The following CCDC181 variants were observed in gnomAD, a reference collection of about 807,000 sequenced individuals.
CCDC181 encodes coiled-coil domain containing 181, also known as coiled-coil domain-containing protein 181.
A neutral mutation model predicts 58.7 loss-of-function variants in CCDC181; 35 were observed. That is an observed-to-expected ratio of 0.60 (90% confidence interval 0.46 to 0.79). The LOEUF (loss-of-function observed/expected upper bound fraction) is 0.79, where lower values mean the gene tolerates loss of function less well. Ranked by LOEUF, CCDC181 falls within the 30% of genes least tolerant of loss-of-function variation. The pLI is 0.00. For synonymous variants in CCDC181, 183 were observed against 197.5 expected (o/e 0.93, Z 0.62); for missense variants, 517 against 583.9 (o/e 0.89, Z 1.18).
At chr1:169,432,865 A>T (rs952817287) in intron 2 of CCDC181, among the ~76,000 whole-genome samples, 2 of 152,248 alleles carry the variant, frequency 1.3e-5, no homozygotes, top group South Asian at 4.1e-4. Context: ...GGCATATATG[A>T]AAAACCCGCA....
In CCDC181 at chr1:169,432,936, T is replaced by G. The variant is rs75786393; in HGVS notation, c.-23-7986A>C. On this transcript the variant is annotated intron_variant, in intron 2 of 6. Coordinates refer to the CCDC181 transcript ENST00000545005. Reference sequence around the variant, plus strand: ...TTTTCATCTAAGATCAGGTATAAGATGAGGATGCTGGCTTTCACTACTGCT... The same window carrying G: ...TTTTCATCTAAGATCAGGTATAAGAGGAGGATGCTGGCTTTCACTACTGCT... Among the ~76,000 whole-genome samples, 1,077 of 152,130 alleles carry G rather than the reference T, an allele frequency of 7.1e-3. 39 individuals carry two copies. In the East Asian group the frequency reaches 0.085, roughly 12 times the overall value.
At chr1:169,444,121 G>A (rs964390314) in intron 2 of CCDC181, among the ~76,000 whole-genome samples, 2 of 152,146 alleles carry the variant, frequency 1.3e-5, no homozygotes, top group African/African-American at 4.8e-5. Flanking sequence ...AGTTTCTGAA[G>A]ATACCTTTAT....
At chr1:169,401,545 G>C (rs1203826920) in intron 4 of CCDC181, among the ~76,000 whole-genome samples, 1 of 152,198 alleles carries the variant, frequency 6.6e-6, no homozygotes, top group Non-Finnish European at 1.5e-5. Flanking sequence ...CCAGGGTCTG[G>C]AGTGGACCTC....
rs146526379 is a variant in CCDC181, at chr1:169,443,935, A to G, written c.-24+15862T>C. Reference sequence around the variant, plus strand: ...GTACTGTTAATATCACTTCACAGAAAGACTAAAAGTACATTTTGGTTTATT... The same window carrying G: ...GTACTGTTAATATCACTTCACAGAAGGACTAAAAGTACATTTTGGTTTATT... On this transcript the variant is annotated intron_variant, in intron 2 of 6. Coordinates refer to the CCDC181 transcript ENST00000545005. Among the ~76,000 whole-genome samples the G allele has an allele frequency of 1.5e-3, 233 of 152,288 alleles. 1 individual carries two copies. Among genetic ancestry groups the G allele is most frequent in the Middle Eastern group, 0.01 (3 of 294 alleles).
At chr1:169,403,012 C>G (rs569064631) in intron 4 of CCDC181, among the ~76,000 whole-genome samples, 1 of 102,098 alleles carries the variant, frequency 9.8e-6, no homozygotes, top group Non-Finnish European at 2.1e-5. Flanking sequence ...GGTTGCAATC[C>G]TAGTCTCTGA....
intron 2 of CCDC181, among the ~76,000 whole-genome samples, chr1:169,437,978 A>C (rs915979604): frequency 6.6e-6 from 1 of 152,168 alleles, no homozygotes; most frequent in Non-Finnish European, 1.5e-5. Flanking sequence ...TAAGCTCTTA[A>C]GGATACAAAA....
chr1:169,395,308 C>T lies in CCDC181; in HGVS notation c.1371-102G>A, dbSNP rs968182360. On this transcript the variant is annotated intron_variant, in intron 5 of 5. Coordinates refer to ENST00000367806, the MANE Select transcript of CCDC181 (RefSeq NM_001300969.2). The stretch of plus-strand genomic sequence containing the variant: ...GACAAAATAAATGGACATTTCTTTA[C>T]AATGAAATACTGTCACAGCACAAAT... The T allele has an allele frequency of 1.7e-5, 17 of 1,010,450 alleles. 2 individuals carry two copies. In the Middle Eastern group the frequency reaches 6.8e-4, roughly 40 times the overall value. 62.6% of individuals were successfully genotyped at this position (1,010,450 alleles called of 1,614,324 possible). A position where few individuals can be genotyped will look rare whatever the true frequency, so the allele number is the denominator to read the frequency against.
At chr1:169,406,513 T>C (rs1655664340) in intron 4 of CCDC181, among the ~76,000 whole-genome samples, 1 of 152,178 alleles carries the variant, frequency 6.6e-6, no homozygotes, top group African/African-American at 2.4e-5. Flanking sequence ...TGGATGAAGC[T>C]GGAGACCATC....
Position 169,427,125 on chromosome 1 carries a change from C to T in CCDC181, c.-24+163G>A, listed in dbSNP as rs1656743942. Among the ~76,000 whole-genome samples the T allele has an allele frequency of 3.3e-5, 5 of 152,298 alleles. No individual in the cohort carries two copies. The South Asian group carries it at 1.0e-3, about 32-fold the overall frequency. ...CAGACTTCCCCACCAGTGCCAGACT[C>T]GGTGGACCTCGGACTCCAGAGGATA... On this transcript the variant is annotated intron_variant, in intron 1 of 5. Coordinates refer to ENST00000367806, the MANE Select transcript of CCDC181 (RefSeq NM_001300969.2).
chr1:169,451,866 C>T (rs1332800516), intron 2 of CCDC181, among the ~76,000 whole-genome samples: 1 of 151,862 alleles, frequency 6.6e-6, no homozygotes, highest in Non-Finnish European at 1.5e-5. Context: ...AATGAAAGAA[C>T]GGCAGTTTAC....
At chr1:169,450,667 T>C (rs1657512161) in intron 2 of CCDC181, among the ~76,000 whole-genome samples, 1 of 152,224 alleles carries the variant, frequency 6.6e-6, no homozygotes, top group South Asian at 2.1e-4. Flanking sequence ...ATTGGTTAGA[T>C]TTCTGTGCAT....
intron 4 of CCDC181, among the ~76,000 whole-genome samples, chr1:169,405,818 A>C (rs9659091): frequency 0.53 from 81,262 of 151,948 alleles, 22,588 homozygotes; most frequent in Non-Finnish European, 0.6. Flanking sequence ...TCTAATTAAA[A>C]TAAAGAGCTT....
intron 4 of CCDC181, among the ~76,000 whole-genome samples, chr1:169,407,602 C>A (rs771478641): frequency 6.6e-5 from 10 of 152,228 alleles, no homozygotes; most frequent in Middle Eastern, 3.4e-3. Context: ...TAAAAACTAT[C>A]GATCAATAAT....
At chr1:169,403,527 CG>C (rs1340873198) in intron 4 of CCDC181, among the ~76,000 whole-genome samples, 1 of 152,204 alleles carries the variant, frequency 6.6e-6, no homozygotes, top group African/African-American at 2.4e-5. Flanking sequence ...CGCTCAACTA[CG>C]TGGAAACTGA....
At chr1:169,405,867 A>G (rs1056467849) in intron 4 of CCDC181, among the ~76,000 whole-genome samples, 4 of 152,252 alleles carry the variant, frequency 2.6e-5, no homozygotes, top group Admixed American at 6.5e-5. Context: ...GTGAACAGGC[A>G]ACCTACAGAA....
At position 169,421,763 on chromosome 1, in the gene CCDC181, C is replaced by T. The variant is rs750552909; in HGVS notation, c.668G>A (p.Gly223Glu). The T allele has an allele frequency of 1.4e-5, 22 of 1,614,086 alleles. No homozygotes were observed. The highest frequency in any genetic ancestry group is 1.9e-5 in the Non-Finnish European group (22 of 1,180,004). The change falls in exon 3 of 6, where the codon GGA (glycine) becomes GAA (glutamate). Residue 223 changes from glycine to glutamate, a missense_variant. Gly to Glu is a moderately conservative substitution (Grantham distance 98). Coordinates refer to ENST00000367806, the MANE Select transcript of CCDC181 (RefSeq NM_001300969.2). ...TTGTAAATTCAGAAGTTCAAATTTT[C>T]CATCTCTCTCTACCAGTATTGTCCT... is the stretch of plus-strand genomic sequence containing the variant. The part of the protein sequence containing the change: ...KDRTILVERD[G>E]KFELLNLQDI...
chr1:169,410,858 A>C (rs1448128572), intron 4 of CCDC181, among the ~76,000 whole-genome samples: 2 of 152,240 alleles, frequency 1.3e-5, no homozygotes, highest in Non-Finnish European at 2.9e-5. Flanking sequence ...ACAAAGACAC[A>C]ATGTACCAGA....
intron 2 of CCDC181, chr1:169,442,805 GACAA>G (rs148970477): frequency 2.6e-5 from 4 of 152,092 alleles, no homozygotes; most frequent in East Asian, 1.9e-4. Flanking sequence ...GATAGAAGTT[GACAA>G]ACAATATGCA....
chr1:169,455,079 A>G (rs925261686), intron 2 of CCDC181, among the ~76,000 whole-genome samples: 2 of 151,844 alleles, frequency 1.3e-5, no homozygotes, highest in Admixed American at 1.3e-4. Context: ...AATTTTTTCT[A>G]TTCATTTTCC....
Sources: allele counts gnomAD v4.1 joint callset (sites outside exome capture counted in the v4.1 genomes callset), GRCh38; gene constraint gnomAD v4.1.1; transcripts MANE v1.5; gene names NCBI Gene and HGNC (gene_info 2026-07-23, HGNC 2026-07-21).